DCTD: variants seen among roughly 807,000 people sequenced by gnomAD.
The protein encoded by DCTD is deoxycytidylate deaminase.
DCTD carries 23 observed loss-of-function variants against 21.0 expected under a neutral mutation model. The observed-to-expected ratio is 1.09, with a 90% CI of 0.79 to 1.55. The LOEUF (loss-of-function observed/expected upper bound fraction) is 1.55, where lower values mean the gene tolerates loss of function less well. Ranked by LOEUF, DCTD falls within the 40% of genes most tolerant of loss-of-function variation. The probability of loss-of-function intolerance (pLI) is 0.00; values close to 1 mark genes in which losing one functional copy is unlikely to be tolerated. For synonymous variants in DCTD, 71 were observed against 81.1 expected, an observed-to-expected ratio of 0.88 and a Z score of 0.67; for missense variants, 224 against 230.0, an observed-to-expected ratio of 0.97 and a Z score of 0.17.
chr4:182,899,384 ACTGCCCTTTTTTTT>A (rs1735301577), intron 3 of DCTD, among the ~76,000 whole-genome samples: 1 of 147,986 alleles, frequency 6.8e-6, no homozygotes, highest in East Asian at 2.0e-4. Flanking sequence ...TCCCATAGTC[ACTGCCCTTTTTTTT>A]CTTTTTCTTT....
intron 3 of DCTD, among the ~76,000 whole-genome samples, chr4:182,896,208 G>A (rs113709149): frequency 3.5e-4 from 54 of 152,288 alleles, no homozygotes; most frequent in Middle Eastern, 3.4e-3. Flanking sequence ...TACTGAGCAC[G>A]TACTCTGGGT....
chr4:182,900,924 G>A (rs17332045), intron 3 of DCTD, among the ~76,000 whole-genome samples: 1,631 of 151,808 alleles, frequency 0.011, 22 homozygotes, highest in Middle Eastern at 0.041. Context: ...CTTGGACCAT[G>A]GAGAAGAGAC....
At position 182,914,970 on chromosome 4, in the gene DCTD, G is replaced by A; in HGVS notation, c.197C>T (p.Pro66Leu). The change falls in exon 3 of 6, where the codon CCT becomes CTT. Residue 66 changes from proline (P) to leucine (L), a missense_variant. Coordinates refer to ENST00000438320, the MANE Select transcript of DCTD (RefSeq NM_001921.3). ...MPNGCSDDVL[P>L]WRRTAENKLD... ...CTTATTCTCTGCTGTCCTTCTCCAA[G>A]GCAACACGTCATCACTGCACCCATT... 6.2e-7 allele frequency: 1 copy of A among 1,614,162 alleles called. No homozygotes were observed. Among genetic ancestry groups the A allele is most frequent in the Non-Finnish European group, 8.5e-7 (1 of 1,180,040 alleles).
At chr4:182,900,981 T>C (rs1298552354) in intron 3 of DCTD, among the ~76,000 whole-genome samples, 1 of 152,232 alleles carries the variant, frequency 6.6e-6, no homozygotes, top group South Asian at 2.1e-4. Context: ...TTAGTAGGGC[T>C]TGATTAATCC....
chr4:182,912,349 TTTTAGAAACCA>T (rs71589506), intron 3 of DCTD, among the ~76,000 whole-genome samples: 9,228 of 152,244 alleles, frequency 0.061, 333 homozygotes, highest in South Asian at 0.1. Flanking sequence ...ACTAAATGCC[TTTTAGAAACCA>T]TTTAATACCT....
intron 3 of DCTD, among the ~76,000 whole-genome samples, chr4:182,900,974 G>C (rs1383938301): frequency 6.6e-6 from 1 of 151,636 alleles, no homozygotes; most frequent in Non-Finnish European, 1.5e-5. Flanking sequence ...TTCTCTCTTA[G>C]TAGGGCTTGA....
At position 182,914,961 on chromosome 4, in the gene DCTD, CT is replaced by C; in HGVS notation, c.205del (p.Arg69GlyfsTer19). On this transcript the variant is annotated frameshift_variant, in exon 3 of 6. Transcript: ENST00000438320. LOFTEE classifies it high-confidence loss of function. ...GGTGTCCAGCTTATTCTCTGCTGTC[CT>C]TCTCCAAGGCAACACGTCATCACTG... is the stretch of plus-strand genomic sequence containing the variant. ...GCSDDVLPWRRTAENKLDTKY... is the reference protein window; with the variant it reads ...GCSDDVLPWRXTAENKLDTKY... 1 of 1,614,168 alleles carries C rather than the reference CT, an allele frequency of 6.2e-7. No individual in the cohort carries two copies. The highest frequency in any genetic ancestry group is 8.5e-7 in the Non-Finnish European group (1 of 1,179,984).
At chr4:182,912,471 A>G (rs1737881046) in intron 3 of DCTD, among the ~76,000 whole-genome samples, 1 of 152,262 alleles carries the variant, frequency 6.6e-6, no homozygotes, top group Non-Finnish European at 1.5e-5. Flanking sequence ...TTGATAAGTA[A>G]GAGCAAAGAG....
intron 3 of DCTD, among the ~76,000 whole-genome samples, chr4:182,912,745 C>T (rs1420718238): frequency 4.6e-5 from 7 of 152,190 alleles, no homozygotes; most frequent in Non-Finnish European, 7.3e-5. Flanking sequence ...GGGGCAGGTG[C>T]TGCAAATGTA....
At chr4:182,915,906 G>A in intron 1 of DCTD, 2 of 1,095,122 alleles carry the variant, frequency 1.8e-6, no homozygotes, top group Non-Finnish European at 2.2e-6. Flanking sequence ...AGCGGAGTCA[G>A]CACAGGAGGA....
chr4:182,915,165 A>C, intron 2 of DCTD, 107 bp from the exon 3 acceptor site: 1 of 1,407,482 alleles, frequency 7.1e-7, no homozygotes, highest in African/African-American at 1.4e-5. Flanking sequence ...ACAGACGCAT[A>C]GCTGCTGCAG....
At chr4:182,914,063 A>G (rs1193044413) in intron 3 of DCTD, among the ~76,000 whole-genome samples, 2 of 152,112 alleles carry the variant, frequency 1.3e-5, no homozygotes, top group Non-Finnish European at 2.9e-5. Flanking sequence ...GCTGGAGTGC[A>G]GTGGCGCAGT....
chr4:182,913,978 CTTTG>C (rs1268041677), intron 3 of DCTD, among the ~76,000 whole-genome samples: 23 of 151,260 alleles, frequency 1.5e-4, no homozygotes, highest in Non-Finnish European at 2.5e-4. Context: ...TTTTTCTTTT[CTTTG>C]TTTTTGTTTT....
chr4:182,915,430 A>T (rs1018890041), intron 2 of DCTD, 31 bp downstream of exon 2: 5 of 1,373,000 alleles, frequency 3.6e-6, no homozygotes, highest in East Asian at 2.3e-5. Context: ...GCCTGTGAGT[A>T]TCTAAGCATT....
At chr4:182,899,116 C>T (rs543249713) in intron 3 of DCTD, among the ~76,000 whole-genome samples, 45 of 152,134 alleles carry the variant, frequency 3.0e-4, no homozygotes, top group Non-Finnish European at 6.0e-4. Context: ...GGAAGCAATG[C>T]GCACAGTTGG....
intron 3 of DCTD, among the ~76,000 whole-genome samples, chr4:182,895,571 C>T (rs986089913): frequency 5.9e-5 from 9 of 152,170 alleles, no homozygotes; most frequent in African/African-American, 2.2e-4. Context: ...TGCCTAGATG[C>T]TCCCGCTCCC....
intron 3 of DCTD, among the ~76,000 whole-genome samples, chr4:182,908,577 C>G (rs905461455): frequency 1.3e-5 from 2 of 150,792 alleles, no homozygotes; most frequent in African/African-American, 2.4e-5. Context: ...ACAGCTACTC[C>G]GAGGCTGAAG....
intron 3 of DCTD, among the ~76,000 whole-genome samples, chr4:182,900,505 G>C (rs1735532540): frequency 6.6e-6 from 1 of 151,832 alleles, no homozygotes; most frequent in South Asian, 2.1e-4. Context: ...TAACCAAGAA[G>C]TAATTGTTAG....
At chr4:182,909,344 G>A (rs528780892) in intron 3 of DCTD, among the ~76,000 whole-genome samples, 161 of 152,226 alleles carry the variant, frequency 1.1e-3, no homozygotes, top group African/African-American at 3.6e-3. Context: ...AACCCCACAC[G>A]ATCACAGCTG....
Sources: allele counts gnomAD v4.1 joint callset (sites outside exome capture counted in the v4.1 genomes callset), GRCh38; gene constraint gnomAD v4.1.1; transcripts MANE v1.5; gene names NCBI Gene and HGNC (gene_info 2026-07-23, HGNC 2026-07-21).